BTBD8: variants seen among roughly 807,000 people sequenced by gnomAD.
BTBD8 encodes the protein BTB/POZ domain-containing protein 8.
In BTBD8, 110 loss-of-function variants were observed where a neutral mutation model predicts 162.9. The ratio of observed to expected loss-of-function variants is 0.68; its 90% CI spans 0.58 to 0.79. The LOEUF (loss-of-function observed/expected upper bound fraction) is 0.79. Ranked by LOEUF, BTBD8 falls within the 30% of genes least tolerant of loss-of-function variation. The pLI, the probability that BTBD8 is intolerant of heterozygous loss-of-function variation, is 0.00. For missense variants in BTBD8, 1,905 were observed against 2,085.4 expected (o/e 0.91, Z 1.68); for synonymous variants, 667 against 716.1 (o/e 0.93, Z 1.10).
At chr1:92,128,365 G>A (rs1211290649) in intron 4 of BTBD8, among the ~76,000 whole-genome samples, 1 of 151,506 alleles carries the variant, frequency 6.6e-6, no homozygotes, top group Non-Finnish European at 1.5e-5. Flanking sequence ...TGCAAGCTCC[G>A]CCTCCTGGGT....
intron 6 of BTBD8, 131 bp from the exon 7 acceptor site, chr1:92,140,984 C>T (rs1649762961): frequency 9.6e-7 from 1 of 1,043,048 alleles, no homozygotes; most frequent in East Asian, 3.5e-5. Flanking sequence ...TTATGTAAGG[C>T]AGAAAATTAG....
intron 2 of BTBD8, among the ~76,000 whole-genome samples, chr1:92,099,733 C>G (rs1648540010): frequency 6.6e-6 from 1 of 152,120 alleles, no homozygotes; most frequent in South Asian, 2.1e-4. Flanking sequence ...ATCTTGTAAG[C>G]TGCAACCTTG....
chr1:92,133,887 G>A (rs990469462), intron 5 of BTBD8, among the ~76,000 whole-genome samples: 2 of 151,896 alleles, frequency 1.3e-5, no homozygotes, highest in Non-Finnish European at 2.9e-5. Context: ...GCAGAATGGC[G>A]TGAACCCAGG....
chr1:92,129,110 AT>A lies in BTBD8; in HGVS notation c.663-574del, dbSNP rs1189498067. ...ACTTTGTCTTTAGCTACCTTTTTATATTTAAAAAATTAAATATCAATTATGT... is the reference window on the plus strand; with the variant it reads ...ACTTTGTCTTTAGCTACCTTTTTATATTAAAAAATTAAATATCAATTATGT... On this transcript the variant is annotated intron_variant, in intron 4 of 17. Coordinates refer to ENST00000636805, the MANE Select transcript of BTBD8 (RefSeq NM_001376131.1). Among the ~76,000 whole-genome samples, 17 of 152,124 alleles carry A rather than the reference AT, an allele frequency of 1.1e-4. No homozygotes were observed. The East Asian group carries it at 3.3e-3, about 29-fold the overall frequency.
In BTBD8 at chr1:92,182,408, T is replaced by A; in HGVS notation, c.4725T>A (p.Ser1575Arg). The change falls in exon 17 of 18, where the codon AGT becomes AGA. Residue 1575 changes from serine to arginine, a missense_variant. Transcript: ENST00000636805. ...AGCAACGCAGCAAATTCTTGGATAGTGATGTAAAATCTCAAGAAAGACCAT... is the reference window on the plus strand; with the variant it reads ...AGCAACGCAGCAAATTCTTGGATAGAGATGTAAAATCTCAAGAAAGACCAT... ...DIQQRSKFLD[S>R]DVKSQERPCH... 2 of 1,550,328 alleles carry A rather than the reference T, an allele frequency of 1.3e-6. No individual in the cohort carries two copies. The highest frequency in any genetic ancestry group is 8.7e-7 in the Non-Finnish European group (1 of 1,146,592).
intron 13 of BTBD8, among the ~76,000 whole-genome samples, chr1:92,172,620 A>G (rs970351058): frequency 6.6e-5 from 10 of 152,368 alleles, no homozygotes; most frequent in African/African-American, 2.4e-4. Context: ...TGTGTGGTAC[A>G]ATGATAGACA....
chr1:92,166,349 T>C (rs1420239112), intron 9 of BTBD8, among the ~76,000 whole-genome samples: 1 of 152,034 alleles, frequency 6.6e-6, no homozygotes. Context: ...GTGATAATCT[T>C]AGGGAACTCA....
rs1650190198 is a variant in BTBD8 at position 92,157,625 on chromosome 1, GT to G, written c.1123-9332del. On this transcript the variant is annotated intron_variant, in intron 9 of 17. Transcript: ENST00000636805. The stretch of plus-strand genomic sequence containing the variant: ...CTTAAGTGATCCTTCTGCCTTCCAA[GT>G]AGCTGGAACTACAGGCATGTGCCAT... 2.6e-5 allele frequency among the ~76,000 whole-genome samples: 4 copies of G among 151,974 alleles called. No homozygotes were observed. In the South Asian group the frequency reaches 8.3e-4, roughly 32 times the overall value.
intron 2 of BTBD8, among the ~76,000 whole-genome samples, chr1:92,091,337 C>T (rs1648292246): frequency 6.6e-6 from 1 of 152,154 alleles, no homozygotes. Context: ...AGCTATGCTT[C>T]CATGCCTTCC....
At chr1:92,142,972 C>T (rs1449293454) in intron 7 of BTBD8, among the ~76,000 whole-genome samples, 1 of 152,212 alleles carries the variant, frequency 6.6e-6, no homozygotes, top group Non-Finnish European at 1.5e-5. Flanking sequence ...ATGCTCTACT[C>T]TCTATTTCAC....
intron 2 of BTBD8, among the ~76,000 whole-genome samples, chr1:92,094,653 C>T (rs1362900143): frequency 2.6e-5 from 4 of 152,190 alleles, no homozygotes; most frequent in Admixed American, 1.3e-4. Context: ...AGATATGCCT[C>T]AAATGATTGT....
intron 7 of BTBD8, among the ~76,000 whole-genome samples, chr1:92,143,698 G>A (rs1299737431): frequency 2.0e-5 from 3 of 151,616 alleles, no homozygotes; most frequent in Non-Finnish European, 2.9e-5. Context: ...TTTTAGTAGA[G>A]ACGGGGTTTC....
Position 92,182,064 on chromosome 1 carries a change from G to A in BTBD8, c.4381G>A (p.Ala1461Thr), listed in dbSNP as rs781473627. The stretch of plus-strand genomic sequence containing the variant: ...AGGAGAAGTCCATACTCCCTTTCAG[G>A]CTTCTGTAGATTCTTTTTCACCTTC... ...DEGEVHTPFQASVDSFSPSDV... is the reference protein window; with the variant it reads ...DEGEVHTPFQTSVDSFSPSDV... The change falls in exon 17 of 18, where the codon GCT (alanine) becomes ACT (threonine). Residue 1461 changes from alanine (A) to threonine (T), a missense_variant. By Grantham distance (58) the Ala-to-Thr change is moderately conservative. Around this residue, in one of 3 missense-constraint regions of BTBD8, gnomAD observed 517 missense variants for 606.6 expected, o/e 0.85. Coordinates refer to ENST00000636805, the MANE Select transcript of BTBD8 (RefSeq NM_001376131.1). 1.3e-6 allele frequency: 2 copies of A among 1,551,394 alleles called. No homozygotes were observed. The highest frequency in any genetic ancestry group is 2.7e-5 in the African/African-American group (2 of 72,988).
At chr1:92,138,879 T>C (rs1557453325) in intron 5 of BTBD8, among the ~76,000 whole-genome samples, 1 of 152,242 alleles carries the variant, frequency 6.6e-6, no homozygotes, top group Non-Finnish European at 1.5e-5. Context: ...TTCTTTTTCA[T>C]TTGTGTAATG....
At chr1:92,140,590 A>G (rs1286462404) in intron 6 of BTBD8, among the ~76,000 whole-genome samples, 1 of 152,152 alleles carries the variant, frequency 6.6e-6, no homozygotes, top group Non-Finnish European at 1.5e-5. Flanking sequence ...ATTCTTTCAA[A>G]GCTTGTAGGC....
At chr1:92,177,736 C>A in intron 14 of BTBD8, 75 bp from the exon 15 acceptor site, 1 of 958,648 alleles carries the variant, frequency 1.0e-6, no homozygotes, top group South Asian at 1.4e-5. Flanking sequence ...TTTATAGTGT[C>A]TAACCAGTAA....
intron 16 of BTBD8, among the ~76,000 whole-genome samples, chr1:92,179,228 A>G (rs956245730): frequency 9.0e-5 from 13 of 143,916 alleles, no homozygotes; most frequent in African/African-American, 3.5e-4. Flanking sequence ...GCTGGGCGAC[A>G]GAGCGAGACT....
chr1:92,180,152 A>G (rs1022878066), intron 16 of BTBD8, 113 bp from the exon 17 acceptor site: 20 of 746,218 alleles, frequency 2.7e-5, no homozygotes, highest in Non-Finnish European at 1.3e-5. Context: ...TTACCCTTCC[A>G]TTGTGTTCTT....
At chr1:92,143,661 C>A (rs935592426) in intron 7 of BTBD8, among the ~76,000 whole-genome samples, 1 of 151,810 alleles carries the variant, frequency 6.6e-6, no homozygotes, top group African/African-American at 2.4e-5. Flanking sequence ...CAGGAGCGTG[C>A]CACCATGCCC....
Sources: allele counts gnomAD v4.1 joint callset (sites outside exome capture counted in the v4.1 genomes callset), GRCh38; gene constraint gnomAD v4.1.1; regional missense constraint gnomAD v4.1.1; transcripts MANE v1.5; gene names NCBI Gene and HGNC (gene_info 2026-07-23, HGNC 2026-07-21).